Variants in BCL2L13 observed in about 807,000 individuals in gnomAD.
BCL2L13 encodes bcl-2-like protein 13.
Under a neutral mutation model 25.8 loss-of-function variants are expected in BCL2L13, and 13 were observed. The ratio of observed to expected loss-of-function variants is 0.50; its 90% CI spans 0.33 to 0.80. The LOEUF (loss-of-function observed/expected upper bound fraction) is 0.80, where lower values mean the gene tolerates loss of function less well. Among genes scored for constraint, BCL2L13 ranks in the 30% least tolerant of loss-of-function variants. The pLI is 0.02. For synonymous variants in BCL2L13, 244 were observed against 230.3 expected, an observed-to-expected ratio of 1.06 and a Z score of -0.54; for missense variants, 504 against 574.9, an observed-to-expected ratio of 0.88 and a Z score of 1.26.
intron 1 of BCL2L13, chr22:17,629,029 T>C (rs145472162): frequency 4.8e-4 from 108 of 224,666 alleles, no homozygotes; most frequent in African/African-American, 2.2e-3. Flanking sequence ...TGTGCCTTTA[T>C]TGGAATTTTT....
chr22:17,636,995 G>A (rs66838241), upstream of BCL2L13, among the ~76,000 whole-genome samples: 19,519 of 151,688 alleles, frequency 0.13, 1,697 homozygotes, highest in Non-Finnish European at 0.19. Context: ...AATTAGGGCC[G>A]GGCGCGGTGG....
chr22:17,701,939 AAG>A (rs894446265), intron 5 of BCL2L13, among the ~76,000 whole-genome samples: 61 of 151,846 alleles, frequency 4.0e-4, no homozygotes, highest in African/African-American at 1.3e-3. Context: ...AAAAAGGAAA[AAG>A]AAATTAATTA....
At chr22:17,639,445 A>G (rs139979845) in intron 1 of BCL2L13, among the ~76,000 whole-genome samples, 1 of 152,254 alleles carries the variant, frequency 6.6e-6, no homozygotes, top group Non-Finnish European at 1.5e-5. Flanking sequence ...ACACGGAGTC[A>G]TTTTCCCCCT....
At chr22:17,695,481 C>T (rs2060237509) in intron 4 of BCL2L13, among the ~76,000 whole-genome samples, 1 of 152,064 alleles carries the variant, frequency 6.6e-6, no homozygotes, top group African/African-American at 2.4e-5. Flanking sequence ...ACCATCATGC[C>T]TGGCTAATTT....
rs562934709 is a variant in BCL2L13, at chr22:17,722,433, T to C, written c.601-4244T>C. ...TGTGTGTGTGTGTATGTAGAGATGATGTCTTACTATGTTGCTCAAGCTTGT... is the reference window on the plus strand; with the variant it reads ...TGTGTGTGTGTGTATGTAGAGATGACGTCTTACTATGTTGCTCAAGCTTGT... On this transcript the variant is annotated intron_variant, in intron 6 of 6. Coordinates refer to ENST00000317582, the MANE Select transcript of BCL2L13 (RefSeq NM_015367.4). Among the ~76,000 whole-genome samples the C allele has an allele frequency of 2.8e-5, 4 of 145,016 alleles. No individual in the cohort carries two copies. In the South Asian group the frequency reaches 8.5e-4, roughly 31 times the overall value.
upstream of BCL2L13, among the ~76,000 whole-genome samples, chr22:17,637,673 C>T (rs573595291): frequency 1.3e-5 from 2 of 151,998 alleles, no homozygotes; most frequent in South Asian, 2.1e-4. Flanking sequence ...CCACCACACC[C>T]GGCCTGTACT....
intron 3 of BCL2L13, chr22:17,684,667 G>T (rs566694770): frequency 2.0e-4 from 90 of 451,856 alleles, no homozygotes; most frequent in South Asian, 1.4e-3. Flanking sequence ...AGGTTCAAAT[G>T]ATTCTCCTGT....
At chr22:17,714,415 G>A (rs985664490) in intron 6 of BCL2L13, among the ~76,000 whole-genome samples, 3 of 152,134 alleles carry the variant, frequency 2.0e-5, no homozygotes, top group Admixed American at 2.0e-4. Flanking sequence ...TGGTGCAACT[G>A]CACTCCAGCC....
intron 2 of BCL2L13, among the ~76,000 whole-genome samples, chr22:17,675,613 C>T (rs981309522): frequency 6.6e-6 from 1 of 152,128 alleles, no homozygotes; most frequent in South Asian, 2.1e-4. Context: ...TAGCTTATGA[C>T]AGTGATTGAT....
At chr22:17,716,259 G>C (rs2060943085) in intron 6 of BCL2L13, among the ~76,000 whole-genome samples, 1 of 152,200 alleles carries the variant, frequency 6.6e-6, no homozygotes, top group African/African-American at 2.4e-5. Flanking sequence ...GGGGTCCATA[G>C]ATGTGCTTCA....
At chr22:17,652,342 A>T (rs1008228209) in intron 1 of BCL2L13, among the ~76,000 whole-genome samples, 2 of 152,182 alleles carry the variant, frequency 1.3e-5, no homozygotes, top group Non-Finnish European at 2.9e-5. Flanking sequence ...CCAGCCACAC[A>T]TTAAGCACAT....
chr22:17,710,474 G>A (rs58863768), intron 6 of BCL2L13, among the ~76,000 whole-genome samples: 8,119 of 152,180 alleles, frequency 0.053, 356 homozygotes, highest in African/African-American at 0.12. Context: ...TAGCTGCTCC[G>A]GAGGCTGAGG....
At chr22:17,716,339 C>T (rs1178176549) in intron 6 of BCL2L13, among the ~76,000 whole-genome samples, 1 of 152,160 alleles carries the variant, frequency 6.6e-6, no homozygotes, top group Non-Finnish European at 1.5e-5. Context: ...GCAGAGAGGT[C>T]TTAATACCTT....
chr22:17,662,306 G>A (rs886616194), intron 2 of BCL2L13, among the ~76,000 whole-genome samples: 10 of 151,950 alleles, frequency 6.6e-5, no homozygotes, highest in South Asian at 4.2e-4. Context: ...GTGAAACCTC[G>A]TCTCTACTGA....
At chr22:17,720,727 C>T (rs189952495) in intron 6 of BCL2L13, among the ~76,000 whole-genome samples, 2 of 149,856 alleles carry the variant, frequency 1.3e-5, no homozygotes, top group Admixed American at 6.7e-5. Context: ...GTTTCAAATT[C>T]CTGGGCTGAA....
chr22:17,676,137 C>T (rs2059568526), intron 2 of BCL2L13, among the ~76,000 whole-genome samples: 1 of 152,164 alleles, frequency 6.6e-6, no homozygotes, highest in Non-Finnish European at 1.5e-5. Context: ...TTACTCTTCA[C>T]AACTACCCTT....
chr22:17,675,455 A>G (rs1211000972), intron 2 of BCL2L13, among the ~76,000 whole-genome samples: 1 of 152,154 alleles, frequency 6.6e-6, no homozygotes, highest in East Asian at 1.9e-4. Flanking sequence ...AGAATGATAG[A>G]TATTAAGTTA....
rs769725401 is a variant in BCL2L13, at chr22:17,638,809, C to A, written c.-128C>A. ...TTAGGGCCGCGGGTCGGAGCACTCA[C>A]CGCCGCTGGGGGACCCTGTCGGAAG... On this transcript the variant is annotated 5_prime_UTR_variant, in exon 1 of 7. Transcript: ENST00000317582. 6 of 1,231,980 alleles carry A rather than the reference C, an allele frequency of 4.9e-6. No individual in the cohort carries two copies. The highest frequency in any genetic ancestry group is 4.0e-6 in the Non-Finnish European group (4 of 988,188). The allele number at this position is 1,231,980 out of a possible 1,614,324, so 76.3% of individuals were successfully genotyped here.
At chr22:17,665,357 C>G (rs541930999) in intron 2 of BCL2L13, among the ~76,000 whole-genome samples, 1 of 152,296 alleles carries the variant, frequency 6.6e-6, no homozygotes, top group Admixed American at 6.5e-5. Flanking sequence ...TTGGTCAAAA[C>G]CATTCAATAA....
Sources: gnomAD v4.1 joint callset for allele counts (sites outside exome capture counted in the v4.1 genomes callset) on GRCh38, gnomAD v4.1.1 for gene constraint, MANE v1.5 for transcripts, NCBI Gene and HGNC (gene_info 2026-07-23, HGNC 2026-07-21) for gene names.